The following CENPP variants were observed in gnomAD, a reference collection of about 807,000 sequenced individuals.
The protein encoded by CENPP is centromere protein P.
Under a neutral mutation model 35.6 loss-of-function variants are expected in CENPP, and 24 were observed. That is an observed-to-expected ratio of 0.67 (90% CI 0.49 to 0.95). The LOEUF (loss-of-function observed/expected upper bound fraction) is 0.95, where lower values mean the gene tolerates loss of function less well. Among genes scored for constraint, CENPP ranks in the 40% least tolerant of loss-of-function variants. CENPP has a pLI of 0.00. For synonymous variants in CENPP, 120 were observed against 125.5 expected, an observed-to-expected ratio of 0.96 and a Z score of 0.29; for missense variants, 332 against 345.3, an observed-to-expected ratio of 0.96 and a Z score of 0.31.
rs971129737 is a variant in CENPP at position 92,453,354 on chromosome 9, T to C, written c.564+73495T>C. Among the ~76,000 whole-genome samples, 11 of 152,366 alleles carry C rather than the reference T, an allele frequency of 7.2e-5. 1 individual carries two copies. The Middle Eastern group carries it at 0.017, about 236-fold the overall frequency. ...CTTTATTTCTGCCTTCATTTCGTTA[T>C]GTACCCATTAGTCATTCAGGAGCAG... On this transcript the variant is annotated intron_variant, in intron 5 of 7. Transcript: ENST00000375587.
chr9:92,603,281 A>T (rs1295607935), intron 5 of CENPP, among the ~76,000 whole-genome samples: 1 of 152,248 alleles, frequency 6.6e-6, no homozygotes, highest in Non-Finnish European at 1.5e-5. Flanking sequence ...TCTAACACAC[A>T]TAAGATCATA....
rs73526029 is a variant in CENPP, at chr9:92,592,724, A to G, written c.565-18590A>G. On this transcript the variant is annotated intron_variant, in intron 5 of 7. Coordinates refer to ENST00000375587, the MANE Select transcript of CENPP (RefSeq NM_001012267.3). Reference sequence around the variant, plus strand: ...AGCAGCTGTACCAGTTCACACTCTCACCAGCAGTGTATGAGGGTTCCATTT... The same window carrying G: ...AGCAGCTGTACCAGTTCACACTCTCGCCAGCAGTGTATGAGGGTTCCATTT... 5.2e-3 allele frequency among the ~76,000 whole-genome samples: 799 copies of G among 152,224 alleles called. 13 individuals are homozygous for G. The highest frequency in any genetic ancestry group is 0.018 in the African/African-American group (748 of 41,528).
At chr9:92,560,119 G>A (rs1849815460) in intron 5 of CENPP, among the ~76,000 whole-genome samples, 1 of 152,148 alleles carries the variant, frequency 6.6e-6, no homozygotes, top group South Asian at 2.1e-4. Context: ...ACTCCAGTCT[G>A]GGTGACACAG....
At chr9:92,501,147 T>C in intron 5 of CENPP, 2 of 1,285,876 alleles carry the variant, frequency 1.6e-6, no homozygotes. Flanking sequence ...GCTGGTCCAT[T>C]TTCCTATAAG....
At chr9:92,417,318 G>T (rs200578134) in intron 5 of CENPP, 15 of 1,613,876 alleles carry the variant, frequency 9.3e-6, no homozygotes, top group Non-Finnish European at 1.3e-5. Flanking sequence ...TTGAGTTTGC[G>T]ATTATCACAG....
intron 5 of CENPP, among the ~76,000 whole-genome samples, chr9:92,494,848 A>C (rs1357877202): frequency 6.6e-6 from 1 of 152,128 alleles, no homozygotes; most frequent in Non-Finnish European, 1.5e-5. Context: ...CAGAGGTTGC[A>C]GTGAGCCGAG....
At chr9:92,534,795 T>C (rs6479424) in intron 5 of CENPP, among the ~76,000 whole-genome samples, 102,633 of 152,062 alleles carry the variant, frequency 0.67, 36,662 homozygotes, top group African/African-American at 0.92. Context: ...AAGTGTGCTC[T>C]GATGGATATC....
chr9:92,441,314 G>A (rs1254069333), intron 5 of CENPP, among the ~76,000 whole-genome samples: 2 of 152,116 alleles, frequency 1.3e-5, no homozygotes, highest in Non-Finnish European at 2.9e-5. Flanking sequence ...TGCAGACAGA[G>A]GAATATGTTA....
At chr9:92,412,604 T>C (rs1470154655) in intron 5 of CENPP, among the ~76,000 whole-genome samples, 1 of 152,236 alleles carries the variant, frequency 6.6e-6, no homozygotes, top group Non-Finnish European at 1.5e-5. Context: ...GATGGAATCA[T>C]ACAATTTGTG....
At chr9:92,466,328 C>T in intron 5 of CENPP, 2 of 1,353,554 alleles carry the variant, frequency 1.5e-6, no homozygotes, top group Non-Finnish European at 2.1e-6. Flanking sequence ...GTTATAATTT[C>T]AAGATGTCCC....
chr9:92,441,716 G>A (rs1213044970), intron 5 of CENPP, among the ~76,000 whole-genome samples: 2 of 152,092 alleles, frequency 1.3e-5, no homozygotes, highest in African/African-American at 2.4e-5. Context: ...CCGAGATCGC[G>A]CCACTGCACT....
chr9:92,352,498 T>C (rs1243404059), intron 4 of CENPP, among the ~76,000 whole-genome samples: 1 of 110,854 alleles, frequency 9.0e-6, no homozygotes, highest in African/African-American at 4.6e-5. Context: ...TGTGTGTGTG[T>C]GTGTGTGTAT....
intron 5 of CENPP, chr9:92,384,884 G>T (rs1422507090): frequency 1.3e-5 from 2 of 152,308 alleles, no homozygotes; most frequent in Admixed American, 6.6e-5. Context: ...AAGCATATTG[G>T]TTTTGGCCTG....
intron 5 of CENPP, chr9:92,385,284 A>C (rs1262596279): frequency 1.1e-5 from 2 of 175,326 alleles, no homozygotes; most frequent in Non-Finnish European, 1.2e-5. Flanking sequence ...AGTTTCTTGG[A>C]TTTATCCTCG....
chr9:92,468,481 G>A (rs1046853130), intron 5 of CENPP, among the ~76,000 whole-genome samples: 1 of 152,190 alleles, frequency 6.6e-6, no homozygotes, highest in Admixed American at 6.5e-5. Context: ...ATGGCTGGAA[G>A]TGAGCTGGGA....
rs867916137 is a variant in CENPP, at chr9:92,473,271, A to G, written c.564+93412A>G. Reference sequence around the variant, plus strand: ...ATATGACTGCTCTGCCGTGGCACATATGGAGGCCAGCACGTGGGGGTGGTC... The same window carrying G: ...ATATGACTGCTCTGCCGTGGCACATGTGGAGGCCAGCACGTGGGGGTGGTC... On this transcript the variant is annotated intron_variant, in intron 5 of 7. Transcript: ENST00000375587. 2.4e-4 allele frequency among the ~76,000 whole-genome samples: 37 copies of G among 152,258 alleles called. 1 individual carries two copies. Among genetic ancestry groups the G allele is most frequent in the Middle Eastern group, 3.4e-3 (1 of 294 alleles).
chr9:92,503,042 A>G (rs1260533285), intron 5 of CENPP, among the ~76,000 whole-genome samples: 9 of 152,034 alleles, frequency 5.9e-5, no homozygotes, highest in Admixed American at 5.9e-4. Context: ...TCCTAAGCTC[A>G]AGTGATCTAC....
chr9:92,416,699 A>T, intron 5 of CENPP: 2 of 1,613,712 alleles, frequency 1.2e-6, no homozygotes, highest in Non-Finnish European at 1.7e-6. Context: ...GTTGTGTCCA[A>T]CACTGAGTTC....
chr9:92,520,390 A>G lies in CENPP; in HGVS notation c.565-90924A>G, dbSNP rs978734157. On this transcript the variant is annotated intron_variant, in intron 5 of 7. Coordinates refer to ENST00000375587, the MANE Select transcript of CENPP (RefSeq NM_001012267.3). ...AAGATGCTTAACATCATTAGTTGTT[A>G]GGGAAATGCAAATCAAAAGCACAAT... Among the ~76,000 whole-genome samples, 4 of 152,234 alleles carry G rather than the reference A, an allele frequency of 2.6e-5. No individual in the cohort carries two copies. In the South Asian group the frequency reaches 8.3e-4, roughly 32 times the overall value.
Sources: gnomAD v4.1 joint callset for allele counts (sites outside exome capture counted in the v4.1 genomes callset) on GRCh38, gnomAD v4.1.1 for gene constraint, MANE v1.5 for transcripts, NCBI Gene and HGNC (gene_info 2026-07-23, HGNC 2026-07-21) for gene names.